The following ARFGAP2 variants were observed in gnomAD, a reference collection of about 807,000 sequenced individuals.
ARFGAP2 encodes ARF GTPase activating protein 2.
ARFGAP2 carries 45 observed loss-of-function variants against 71.9 expected under a neutral mutation model. The ratio of observed to expected loss-of-function variants is 0.63; its 90% CI spans 0.49 to 0.80. ARFGAP2 has a LOEUF of 0.80. Ranked by LOEUF, ARFGAP2 falls within the 30% of genes least tolerant of loss-of-function variation. ARFGAP2 has a pLI of 0.00. For synonymous variants in ARFGAP2, 248 were observed against 249.2 expected (o/e 1.00, Z 0.05); for missense variants, 633 against 673.9 (o/e 0.94, Z 0.67).
intron 6 of ARFGAP2, 112 bp downstream of exon 6, chr11:47,173,647 C>T: frequency 1.4e-6 from 2 of 1,442,910 alleles, no homozygotes. Flanking sequence ...CCCGGCCCAC[C>T]CAAAGATACA....
intron 5 of ARFGAP2, chr11:47,174,581 G>A (rs1017293432): frequency 1.2e-5 from 2 of 163,258 alleles, no homozygotes; most frequent in Non-Finnish European, 2.7e-5. Context: ...ATTTTTAGTA[G>A]AGACGGGGTT....
chr11:47,176,442 C>T (rs1952829996), intron 2 of ARFGAP2, 74 bp downstream of exon 2: 3 of 1,404,542 alleles, frequency 2.1e-6, no homozygotes, highest in East Asian at 2.3e-5. Flanking sequence ...CAAGTCGAGG[C>T]AGCCACTCTC....
intron 10 of ARFGAP2, 147 bp downstream of exon 10, chr11:47,171,279 G>C: frequency 7.7e-7 from 1 of 1,305,304 alleles, no homozygotes; most frequent in Non-Finnish European, 1.1e-6. Flanking sequence ...GCCAAGCACT[G>C]TATTAGGGAC....
Position 47,171,791 on chromosome 11 carries a change from T to G in ARFGAP2, c.682A>C (p.Lys228Gln), listed in dbSNP as rs1952611365. 6.2e-7 allele frequency: 1 copy of G among 1,613,648 alleles called. No homozygotes were observed. The highest frequency in any genetic ancestry group is 1.1e-5 in the South Asian group (1 of 91,092). ...PAAAKKGLGA[K>Q]KGLGAQKVSS... is the part of the protein sequence containing the mutation. ...ACCTTCTGGGCCCCTAGGCCTTTCT[T>G]GGCACCCAGCTGGGAACAGAATCAT... The change falls in exon 9 of 16, where the codon AAG (lysine) becomes CAG (glutamine). Residue 228 changes from lysine to glutamine, a missense_variant. By Grantham distance (53) the Lys-to-Gln change is moderately conservative. Transcript: ENST00000524782.
At chr11:47,167,787 A>G in intron 12 of ARFGAP2, 122 bp downstream of exon 12, 3 of 1,277,190 alleles carry the variant, frequency 2.3e-6, no homozygotes, top group Non-Finnish European at 3.2e-6. Context: ...CATATTAAAC[A>G]ACACAGAGAA....
chr11:47,176,481 CG>C (rs1015836863), intron 2 of ARFGAP2, 34 bp downstream of exon 2: 25 of 1,596,732 alleles, frequency 1.6e-5, no homozygotes, highest in Non-Finnish European at 2.1e-5. Context: ...CCTGGCCGGC[CG>C]GGTGGAAACA....
chr11:47,168,802 C>A (rs1286329339), intron 10 of ARFGAP2, among the ~76,000 whole-genome samples: 1 of 152,074 alleles, frequency 6.6e-6, no homozygotes, highest in Admixed American at 6.6e-5. Flanking sequence ...GGATTATAGG[C>A]GTGAGCCACT....
chr11:47,174,849 G>A lies in ARFGAP2; in HGVS notation c.480+166C>T, dbSNP rs191402431. Reference sequence around the variant, plus strand: ...CTACACTGCACCTCCATTTATGGAGGAGGAAACACCTAGGCCTACCCAGCA... The same window carrying A: ...CTACACTGCACCTCCATTTATGGAGAAGGAAACACCTAGGCCTACCCAGCA... On this transcript the variant is annotated intron_variant, in intron 5 of 15. Coordinates refer to ENST00000524782, the MANE Select transcript of ARFGAP2 (RefSeq NM_032389.6). 24 of 725,998 alleles carry A rather than the reference G, an allele frequency of 3.3e-5. 1 individual carries two copies. Among genetic ancestry groups the A allele is most frequent in the Middle Eastern group, 4.1e-4 (1 of 2,440 alleles). 45.0% of individuals were successfully genotyped at this position (725,998 alleles called of 1,614,324 possible). A position where few individuals can be genotyped will look rare whatever the true frequency, so the allele number is the denominator to read the frequency against.
rs1952268298 is a variant in ARFGAP2, at chr11:47,164,326, G to A, written c.*1156C>T. On this transcript the variant is annotated 3_prime_UTR_variant, in exon 16 of 16. Transcript: ENST00000524782. ...TTCACTCAGACCAACAGGGAGCCAG[G>A]CCCTGCAGGGGCTTTATTTTGACAC... 6.9e-7 allele frequency: 1 copy of A among 1,449,934 alleles called. No individual in the cohort carries two copies. The highest frequency in any genetic ancestry group is 9.2e-7 in the Non-Finnish European group (1 of 1,084,122). The allele number at this position is 1,449,934 out of a possible 1,614,324, so 89.8% of individuals were successfully genotyped here.
intron 10 of ARFGAP2, chr11:47,169,380 G>C (rs1356621776): frequency 6.6e-6 from 1 of 152,056 alleles, no homozygotes; most frequent in Non-Finnish European, 1.5e-5. Context: ...TAGAATTGCT[G>C]TCTCGTTTCT....
intron 10 of ARFGAP2, among the ~76,000 whole-genome samples, chr11:47,170,621 T>C (rs1015740972): frequency 3.3e-5 from 5 of 152,172 alleles, no homozygotes; most frequent in African/African-American, 1.2e-4. Context: ...CACTCCAGCC[T>C]GGGTGACAGA....
chr11:47,171,895 C>T, intron 8 of ARFGAP2, 95 bp from the exon 9 acceptor site: 4 of 1,517,756 alleles, frequency 2.6e-6, no homozygotes, highest in East Asian at 4.5e-5. Context: ...AAGGAAAAGG[C>T]CCTTCTTAAA....
chr11:47,167,057 T>C (rs937115094), intron 12 of ARFGAP2, among the ~76,000 whole-genome samples, 171 bp from the exon 13 acceptor site: 5 of 152,112 alleles, frequency 3.3e-5, no homozygotes, highest in African/African-American at 1.2e-4. Context: ...GTCACCCTTC[T>C]CCACATTGAG....
intron 5 of ARFGAP2, chr11:47,174,811 T>C: frequency 3.3e-6 from 2 of 608,628 alleles, no homozygotes; most frequent in Non-Finnish European, 5.8e-6. Context: ...TAGGAGTCGA[T>C]TTCTAAGGAG....
Position 47,164,497 on chromosome 11 carries a change from A to G in ARFGAP2, c.*985T>C. ...CTGAGACTGCCGGTGCGGCAGGGGA[A>G]GATGGCACCAAGAATGACAGTGCTT... On this transcript the variant is annotated 3_prime_UTR_variant, in exon 16 of 16. Coordinates refer to ENST00000524782, the MANE Select transcript of ARFGAP2 (RefSeq NM_032389.6). The G allele has an allele frequency of 1.8e-5, 6 of 334,288 alleles. No individual in the cohort carries two copies. The highest frequency in any genetic ancestry group is 3.3e-5 in the Non-Finnish European group (6 of 180,828). The allele number at this position is 334,288 out of a possible 1,614,324, so 20.7% of individuals were successfully genotyped here. A position where few individuals can be genotyped will look rare whatever the true frequency, so the allele number is the denominator to read the frequency against.
intron 10 of ARFGAP2, chr11:47,169,488 T>C (rs1590950413): frequency 6.6e-6 from 1 of 152,174 alleles, no homozygotes. Flanking sequence ...AAGGACTAAT[T>C]TGATTTAAAT....
intron 12 of ARFGAP2, among the ~76,000 whole-genome samples, 166 bp downstream of exon 12, chr11:47,167,743 T>TA (rs1952439589): frequency 6.6e-6 from 1 of 152,094 alleles, no homozygotes; most frequent in Non-Finnish European, 1.5e-5. Flanking sequence ...ACCAACCACA[T>TA]TTTAAGGGCT....
intron 2 of ARFGAP2, chr11:47,176,207 G>A: frequency 3.4e-6 from 2 of 589,094 alleles, no homozygotes; most frequent in Non-Finnish European, 3.0e-6. Flanking sequence ...TCTCACTAGA[G>A]ACATACTGGT....
intron 10 of ARFGAP2, 21 bp downstream of exon 10, chr11:47,171,405 A>G (rs770562056): frequency 1.9e-6 from 3 of 1,612,950 alleles, no homozygotes; most frequent in Non-Finnish European, 2.5e-6. Flanking sequence ...TTTCCCTGCC[A>G]CACCCGGAGC....
Sources: gnomAD v4.1 joint callset for allele counts (sites outside exome capture counted in the v4.1 genomes callset) on GRCh38, gnomAD v4.1.1 for gene constraint, MANE v1.5 for transcripts, NCBI Gene and HGNC (gene_info 2026-07-23, HGNC 2026-07-21) for gene names.